Variants in CDK14 observed in about 807,000 individuals in gnomAD.
CDK14 encodes cyclin dependent kinase 14, also known as cyclin-dependent kinase 14.
CDK14 carries 34 observed loss-of-function variants against 60.7 expected under a neutral mutation model. The observed-to-expected ratio is 0.56, with a 90% CI of 0.43 to 0.75. CDK14 has a LOEUF of 0.75. Among genes scored for constraint, CDK14 ranks in the 30% least tolerant of loss-of-function variants. CDK14 has a pLI of 0.00. For missense variants in CDK14, 482 were observed against 564.1 expected (o/e 0.85, Z 1.47); for synonymous variants, 197 against 203.7 (o/e 0.97, Z 0.28).
intron 12 of CDK14, among the ~76,000 whole-genome samples, chr7:91,090,040 A>G (rs934595337): frequency 4.6e-5 from 7 of 152,156 alleles, no homozygotes; most frequent in African/African-American, 1.7e-4. Context: ...AAAAAATTCT[A>G]GTGCCTTTTA....
At chr7:91,012,722 T>C (rs1172937108) in intron 10 of CDK14, among the ~76,000 whole-genome samples, 2 of 152,324 alleles carry the variant, frequency 1.3e-5, no homozygotes, top group East Asian at 3.9e-4. Flanking sequence ...TGTCTCTTAC[T>C]TATCTTGACT....
Position 91,030,412 on chromosome 7 carries a change from G to A in CDK14, c.1042-15485G>A, listed in dbSNP as rs561675726. ...ATTCCCAATATAGGACCAGTCCTTA[G>A]AGAGCAATAGTTACTGTGGGCATAG... On this transcript the variant is annotated intron_variant, in intron 10 of 14. Coordinates refer to ENST00000380050, the MANE Select transcript of CDK14 (RefSeq NM_001287135.2). Among the ~76,000 whole-genome samples, 14 of 152,184 alleles carry A rather than the reference G, an allele frequency of 9.2e-5. No individual in the cohort carries two copies. In the East Asian group the frequency reaches 9.7e-4, roughly 11 times the overall value.
intron 4 of CDK14, among the ~76,000 whole-genome samples, chr7:90,772,741 C>A (rs149358422): frequency 9.2e-5 from 14 of 152,176 alleles, no homozygotes; most frequent in African/African-American, 3.4e-4. Flanking sequence ...TATAAACAAC[C>A]GAGTTTCAGA....
In CDK14 at chr7:91,029,138, A is replaced by G. The variant is rs1484513440; in HGVS notation, c.1042-16759A>G. ...TAATTCATCTTGAATTGACTTTTGT[A>G]TATGGTGATAGATAGGGGTCCAGTT... On this transcript the variant is annotated intron_variant, in intron 10 of 14. Transcript: ENST00000380050. Among the ~76,000 whole-genome samples the G allele has an allele frequency of 2.0e-5, 3 of 152,124 alleles. No homozygotes were observed. In the East Asian group the frequency reaches 5.8e-4, roughly 29 times the overall value.
chr7:91,089,792 A>G (rs1249830704), intron 12 of CDK14, among the ~76,000 whole-genome samples: 1 of 152,166 alleles, frequency 6.6e-6, no homozygotes, highest in Non-Finnish European at 1.5e-5. Flanking sequence ...TAGGGATTAC[A>G]CCAGGCTCCA....
intron 14 of CDK14, among the ~76,000 whole-genome samples, chr7:91,175,139 T>C (rs988484852): frequency 6.9e-6 from 1 of 145,750 alleles, no homozygotes; most frequent in East Asian, 2.1e-4. Context: ...CAGAAGAGAG[T>C]GGGGGCCAAT....
At chr7:91,034,354 T>TTTTTTC (rs1412438246) in intron 10 of CDK14, among the ~76,000 whole-genome samples, 2 of 152,126 alleles carry the variant, frequency 1.3e-5, no homozygotes, top group African/African-American at 4.8e-5. Context: ...TCATTCGCAC[T>TTTTTTC]TTTTTCTTTT....
chr7:90,769,474 CT>C (rs35889990), intron 4 of CDK14, among the ~76,000 whole-genome samples: 7 of 148,286 alleles, frequency 4.7e-5, no homozygotes, highest in Admixed American at 6.7e-5. Context: ...TCTTTTCTTT[CT>C]TTTTTTTTTT....
At chr7:91,183,563 A>G (rs939599568) in intron 14 of CDK14, among the ~76,000 whole-genome samples, 4 of 152,190 alleles carry the variant, frequency 2.6e-5, no homozygotes, top group African/African-American at 7.2e-5. Flanking sequence ...TCCAGGCTCA[A>G]CCAGTCAAAC....
At chr7:90,681,918 T>C (rs1204533118) in intron 2 of CDK14, among the ~76,000 whole-genome samples, 1 of 152,250 alleles carries the variant, frequency 6.6e-6, no homozygotes, top group East Asian at 1.9e-4. Context: ...TGAATGTCCA[T>C]TTATAAGAAT....
At chr7:90,870,577 C>T (rs1791338874) in intron 6 of CDK14, among the ~76,000 whole-genome samples, 1 of 152,148 alleles carries the variant, frequency 6.6e-6, no homozygotes, top group Non-Finnish European at 1.5e-5. Context: ...CCGTTTTTCC[C>T]TGCTTTTCCA....
intron 14 of CDK14, among the ~76,000 whole-genome samples, chr7:91,181,322 T>C (rs1417885335): frequency 1.3e-5 from 2 of 152,210 alleles, no homozygotes; most frequent in Non-Finnish European, 2.9e-5. Flanking sequence ...GCTGATTGCA[T>C]TCCTGTGGTG....
At chr7:90,900,441 G>A (rs1792470409) in intron 7 of CDK14, among the ~76,000 whole-genome samples, 1 of 152,034 alleles carries the variant, frequency 6.6e-6, no homozygotes, top group Non-Finnish European at 1.5e-5. Context: ...AAATTTAATG[G>A]ATGAAAATAC....
intron 4 of CDK14, among the ~76,000 whole-genome samples, chr7:90,783,684 C>T (rs190016896): frequency 1.3e-5 from 2 of 152,158 alleles, no homozygotes; most frequent in African/African-American, 4.8e-5. Context: ...AAATGCTCAA[C>T]ATCATTAAAA....
At chr7:90,937,537 G>C (rs1412064429) in intron 8 of CDK14, among the ~76,000 whole-genome samples, 2 of 152,138 alleles carry the variant, frequency 1.3e-5, no homozygotes, top group Admixed American at 1.3e-4. Flanking sequence ...TCACACCTTA[G>C]TCAATCTGGA....
At chr7:91,107,995 T>G (rs1799354914) in intron 12 of CDK14, among the ~76,000 whole-genome samples, 1 of 152,208 alleles carries the variant, frequency 6.6e-6, no homozygotes, top group Middle Eastern at 3.2e-3. Flanking sequence ...ATGATCAGCT[T>G]GTTTGAACAC....
intron 14 of CDK14, among the ~76,000 whole-genome samples, chr7:91,139,706 A>G (rs1451708415): frequency 6.6e-6 from 1 of 152,202 alleles, no homozygotes; most frequent in African/African-American, 2.4e-5. Flanking sequence ...GGACCATAGC[A>G]AACATTATTT....
At chr7:90,888,078 G>T (rs900421637) in intron 6 of CDK14, among the ~76,000 whole-genome samples, 1 of 152,088 alleles carries the variant, frequency 6.6e-6, no homozygotes, top group Non-Finnish European at 1.5e-5. Flanking sequence ...TAGGCCAGGC[G>T]CAATGGCTCA....
chr7:90,722,844 T>C (rs1802506848), intron 2 of CDK14, among the ~76,000 whole-genome samples: 1 of 152,214 alleles, frequency 6.6e-6, no homozygotes, highest in Non-Finnish European at 1.5e-5. Flanking sequence ...TGCAGTAGAT[T>C]CTGTAACAGT....
Sources: gnomAD v4.1 joint callset for allele counts (sites outside exome capture counted in the v4.1 genomes callset) on GRCh38, gnomAD v4.1.1 for gene constraint, MANE v1.5 for transcripts, NCBI Gene and HGNC (gene_info 2026-07-23, HGNC 2026-07-21) for gene names.